Variants in OCA2 observed in about 807,000 individuals in gnomAD.
The protein encoded by OCA2 is P protein.
A neutral mutation model predicts 100.2 loss-of-function variants in OCA2; 77 were observed. The ratio of observed to expected loss-of-function variants is 0.77; its 90% confidence interval spans 0.64 to 0.93. The LOEUF (loss-of-function observed/expected upper bound fraction) is 0.93, where lower values mean the gene tolerates loss of function less well. Ranked by LOEUF, OCA2 falls within the 40% of genes least tolerant of loss-of-function variation. OCA2 has a pLI of 0.00. For missense variants in OCA2, 1,062 were observed against 1,089.1 expected, an observed-to-expected ratio of 0.98 and a Z score of 0.35; for synonymous variants, 432 against 439.2, an observed-to-expected ratio of 0.98 and a Z score of 0.21.
intron 21 of OCA2, among the ~76,000 whole-genome samples, chr15:27,860,108 T>C (rs1052130096): frequency 5.9e-5 from 9 of 152,050 alleles, no homozygotes; most frequent in African/African-American, 1.2e-4. Context: ...CACAGTATGC[T>C]TGGTGGTATT....
the OCA2 span, among the ~76,000 whole-genome samples, chr15:27,727,138 A>G: frequency 6.6e-6 from 1 of 152,200 alleles, no homozygotes; most frequent in Non-Finnish European, 1.5e-5. Context: ...TGGGAAAATG[A>G]GGCATGTGGT....
At chr15:27,741,232 A>C in the OCA2 span, among the ~76,000 whole-genome samples, 1 of 152,198 alleles carries the variant, frequency 6.6e-6, no homozygotes, top group Non-Finnish European at 1.5e-5. Context: ...TCCCTTACAC[A>C]CATAGAAGAT....
intron 6 of OCA2, among the ~76,000 whole-genome samples, chr15:28,019,329 G>C (rs2042514003): frequency 6.8e-6 from 1 of 146,164 alleles, no homozygotes; most frequent in South Asian, 2.1e-4. Context: ...GGGAGGAAGA[G>C]AAAGGAGAGC....
At chr15:28,089,502 C>A (rs140500404) in intron 1 of OCA2, among the ~76,000 whole-genome samples, 1 of 152,168 alleles carries the variant, frequency 6.6e-6, no homozygotes, top group Non-Finnish European at 1.5e-5. Flanking sequence ...TTATGTTCTT[C>A]TACCATGGCT....
intron 2 of OCA2, among the ~76,000 whole-genome samples, chr15:28,038,675 T>A (rs2141438950): frequency 6.6e-6 from 1 of 152,162 alleles, no homozygotes; most frequent in Middle Eastern, 3.4e-3. Flanking sequence ...ACAAACATGA[T>A]CAAGCAAGAT....
At chr15:27,832,726 C>T (rs558061751) in intron 23 of OCA2, among the ~76,000 whole-genome samples, 33 of 152,262 alleles carry the variant, frequency 2.2e-4, no homozygotes, top group African/African-American at 7.5e-4. Flanking sequence ...CTGAGGCCTA[C>T]TTCTTGCTAG....
intron 2 of OCA2, among the ~76,000 whole-genome samples, chr15:28,072,521 C>T (rs551187108): frequency 7.0e-6 from 1 of 142,578 alleles, no homozygotes; most frequent in African/African-American, 2.6e-5. Context: ...ACCTGGAAGG[C>T]AGAGCTTGCA....
At chr15:27,724,929 A>G in the OCA2 span, among the ~76,000 whole-genome samples, 1 of 151,950 alleles carries the variant, frequency 6.6e-6, no homozygotes, top group South Asian at 2.1e-4. Flanking sequence ...CAAATCCAGG[A>G]TGTCTCTGCC....
At chr15:27,911,532 C>G (rs1269099709) in intron 19 of OCA2, among the ~76,000 whole-genome samples, 1 of 152,170 alleles carries the variant, frequency 6.6e-6, no homozygotes, top group Non-Finnish European at 1.5e-5. Flanking sequence ...GGCTGCTTCC[C>G]CTCATAGTGG....
chr15:27,881,706 A>G (rs8030444), intron 19 of OCA2, among the ~76,000 whole-genome samples: 1,962 of 152,224 alleles, frequency 0.013, 39 homozygotes, highest in African/African-American at 0.04. Flanking sequence ...CTGTGGGGTC[A>G]GTGGTGATAT....
At chr15:27,972,274 T>A (rs1228720542) in intron 14 of OCA2, among the ~76,000 whole-genome samples, 1 of 152,224 alleles carries the variant, frequency 6.6e-6, no homozygotes, top group African/African-American at 2.4e-5. Flanking sequence ...GTTGAGTCCA[T>A]ATCTCTGCAG....
At chr15:27,916,887 C>T (rs1182082862) in intron 19 of OCA2, among the ~76,000 whole-genome samples, 3 of 152,104 alleles carry the variant, frequency 2.0e-5, no homozygotes, top group East Asian at 1.9e-4. Context: ...CCAAAACGTA[C>T]GCTGGAGAAC....
At chr15:28,059,164 C>G (rs1336306185) in intron 2 of OCA2, among the ~76,000 whole-genome samples, 2 of 152,230 alleles carry the variant, frequency 1.3e-5, no homozygotes, top group African/African-American at 2.4e-5. Flanking sequence ...CAGTTCCTCC[C>G]TGTGCCCACA....
intron 23 of OCA2, among the ~76,000 whole-genome samples, chr15:27,844,450 CT>C (rs759573496): frequency 3.9e-5 from 6 of 152,250 alleles, no homozygotes; most frequent in Non-Finnish European, 8.8e-5. Flanking sequence ...TCCTGGCCCC[CT>C]GACTCAACCT....
At chr15:27,899,062 C>T (rs1360393513) in intron 19 of OCA2, among the ~76,000 whole-genome samples, 1 of 152,058 alleles carries the variant, frequency 6.6e-6, no homozygotes, top group Non-Finnish European at 1.5e-5. Context: ...TCCATGAATA[C>T]GTGAAAATAA....
Position 27,908,702 on chromosome 15 carries a change from C to T in OCA2, c.2079+17425G>A, listed in dbSNP as rs550255514. Among the ~76,000 whole-genome samples the T allele has an allele frequency of 1.8e-4, 28 of 152,238 alleles. No homozygotes were observed. In the East Asian group the frequency reaches 5.4e-3, roughly 29 times the overall value. The stretch of plus-strand genomic sequence containing the variant: ...CCATGGTGGGGGCTCACAGAGTGCC[C>T]CAGCAATGAAAATGTAGCAACATGT... On this transcript the variant is annotated intron_variant, in intron 19 of 23. Transcript: ENST00000354638.
At position 28,027,915 on chromosome 15, in the gene OCA2, G is replaced by A. The variant is rs1383580368; in HGVS notation, c.471C>T (p.Asp157=). Residue 157 remains aspartate, a synonymous_variant, in exon 4 of 24, where the codon GAC becomes GAT. Transcript: ENST00000354638. ...GTCGGATGTGCGGGCTGTCCAGAAG[G>A]TCTCCCTTCTCGGAGGAGGCAGATG... is the stretch of plus-strand genomic sequence containing the variant. ...LSASASSEKG[D]LLDSPHIRLR... The A allele has an allele frequency of 1.2e-6, 2 of 1,613,978 alleles. No homozygotes were observed. The highest frequency in any genetic ancestry group is 2.7e-5 in the African/African-American group (2 of 75,042).
intron 18 of OCA2, among the ~76,000 whole-genome samples, chr15:27,945,486 G>A (rs1003893377): frequency 3.9e-5 from 6 of 152,284 alleles, no homozygotes; most frequent in Non-Finnish European, 5.9e-5. Context: ...TGCAGATGCC[G>A]GGGTGGGTGG....
chr15:27,824,602 C>CTCTCTCTCTCTCTCTCTCTATATATA lies in OCA2; in HGVS notation c.2432+20356_2432+20357insTATATATAGAGAGAGAGAGAGAGAGA. On this transcript the variant is annotated intron_variant, in intron 23 of 23. Coordinates refer to ENST00000354638, the MANE Select transcript of OCA2 (RefSeq NM_000275.3). ...TTTCTCTCTCTCTCTCTCTCTCTCT[C>CTCTCTCTCTCTCTCTCTCTATATATA]TATATATATATATATATATAATATA... 4.7e-3 allele frequency among the ~76,000 whole-genome samples: 222 copies of CTCTCTCTCTCTCTCTCTCTATATATA among 47,522 alleles called. 11 individuals carry two copies. In the East Asian group the frequency reaches 0.056, roughly 12 times the overall value. 31.2% of individuals were successfully genotyped at this position (47,522 alleles called of 152,430 possible). A position where few individuals can be genotyped will look rare whatever the true frequency, so the allele number is the denominator to read the frequency against.
Sources: gnomAD v4.1 joint callset for allele counts (sites outside exome capture counted in the v4.1 genomes callset) on GRCh38, gnomAD v4.1.1 for gene constraint, MANE v1.5 for transcripts, NCBI Gene and HGNC (gene_info 2026-07-23, HGNC 2026-07-21) for gene names.